Variants in CPA6 observed in about 807,000 individuals in gnomAD.
CPA6 encodes carboxypeptidase B.
In CPA6, 58 loss-of-function variants were observed where a neutral mutation model predicts 63.3. The ratio of observed to expected loss-of-function variants is 0.92; its 90% CI spans 0.74 to 1.14. The LOEUF is 1.14. CPA6 is among the 50% of genes most tolerant of loss of function. The pLI, the probability that CPA6 is intolerant of heterozygous loss-of-function variation, is 0.00. For synonymous variants in CPA6, 185 were observed against 179.0 expected (o/e 1.03, Z -0.27); for missense variants, 565 against 526.6 (o/e 1.07, Z -0.71).
intron 6 of CPA6, among the ~76,000 whole-genome samples, chr8:67,494,177 G>A (rs1811662455): frequency 6.6e-6 from 1 of 151,258 alleles, no homozygotes. Flanking sequence ...CACAGATTTT[G>A]CAAAATTGAA....
intron 1 of CPA6, among the ~76,000 whole-genome samples, chr8:67,678,409 T>A (rs1587694783): frequency 6.6e-6 from 1 of 152,098 alleles, no homozygotes; most frequent in African/African-American, 2.4e-5. Context: ...CCAAAATATA[T>A]AAAGGACTTC....
intron 1 of CPA6, among the ~76,000 whole-genome samples, chr8:67,732,966 G>A (rs1312055104): frequency 6.6e-6 from 1 of 151,850 alleles, no homozygotes; most frequent in Non-Finnish European, 1.5e-5. Flanking sequence ...GGAGGCTGAG[G>A]CGGGCGGATC....
intron 1 of CPA6, among the ~76,000 whole-genome samples, chr8:67,709,490 C>T (rs920068863): frequency 1.3e-5 from 2 of 152,152 alleles, no homozygotes; most frequent in African/African-American, 4.8e-5. Flanking sequence ...TCACTACTAA[C>T]AATGATAAAT....
chr8:67,429,937 A>G (rs2128951620), intron 9 of CPA6, among the ~76,000 whole-genome samples: 1 of 152,222 alleles, frequency 6.6e-6, no homozygotes, highest in South Asian at 2.1e-4. Flanking sequence ...TAGGGTTTAG[A>G]TGTGATCTCT....
intron 1 of CPA6, among the ~76,000 whole-genome samples, chr8:67,643,164 C>T (rs181026767): frequency 1.3e-5 from 2 of 152,258 alleles, no homozygotes; most frequent in East Asian, 3.9e-4. Flanking sequence ...GCATATCATC[C>T]TTAATAAGCA....
At chr8:67,667,796 GC>G (rs977110668) in intron 1 of CPA6, among the ~76,000 whole-genome samples, 1 of 152,214 alleles carries the variant, frequency 6.6e-6, no homozygotes, top group African/African-American at 2.4e-5. Flanking sequence ...ATTACTGTGT[GC>G]CCCGCCCCAG....
intron 8 of CPA6, among the ~76,000 whole-genome samples, chr8:67,470,242 C>T (rs553412035): frequency 2.6e-5 from 4 of 152,018 alleles, no homozygotes; most frequent in African/African-American, 7.2e-5. Context: ...ATTGGTCAGG[C>T]TGGTTTCAAA....
rs139261747 is a variant in CPA6 at position 67,452,957 on chromosome 8, C to T, written c.839-18717G>A. ...GAGGATAGAAATAGATGAGATCAAT[C>T]GATGGGGGACCAGATTATGTGAAGT... On this transcript the variant is annotated intron_variant, in intron 8 of 10. Transcript: ENST00000297770. 3.8e-3 allele frequency among the ~76,000 whole-genome samples: 574 copies of T among 152,240 alleles called. 8 individuals carry two copies. Among genetic ancestry groups the T allele is most frequent in the African/African-American group, 0.013 (531 of 41,540 alleles).
chr8:67,592,098 G>C (rs533312625), intron 2 of CPA6, among the ~76,000 whole-genome samples: 38 of 152,132 alleles, frequency 2.5e-4, no homozygotes, highest in African/African-American at 5.1e-4. Context: ...TAGCTTGAAG[G>C]GTTGTTGAAT....
At chr8:67,667,568 C>A (rs1040927060) in intron 1 of CPA6, among the ~76,000 whole-genome samples, 7 of 152,102 alleles carry the variant, frequency 4.6e-5, no homozygotes, top group Non-Finnish European at 1.0e-4. Context: ...CCAATCTTCT[C>A]ATTTCCTCTG....
intron 2 of CPA6, among the ~76,000 whole-genome samples, chr8:67,590,150 T>A (rs574539175): frequency 1.3e-5 from 2 of 152,256 alleles, no homozygotes; most frequent in South Asian, 4.1e-4. Flanking sequence ...TTTGGTTCTT[T>A]GTCCTTGCCA....
rs984870960 is a variant in CPA6, at chr8:67,640,402, G to A, written c.117-16151C>T. 2.4e-4 allele frequency among the ~76,000 whole-genome samples: 37 copies of A among 151,652 alleles called. 2 individuals are homozygous for A. The highest frequency in any genetic ancestry group is 6.8e-4 in the African/African-American group (28 of 40,972). The stretch of plus-strand genomic sequence containing the variant: ...GGGGTCGAGGTGGCAGGGAGCTGGC[G>A]TGTTAGCGCTGCCCTGAGTGTGCAC... On this transcript the variant is annotated intron_variant, in intron 1 of 10. Coordinates refer to ENST00000297770, the MANE Select transcript of CPA6 (RefSeq NM_020361.5).
chr8:67,511,465 C>A, intron 4 of CPA6, 76 bp downstream of exon 4: 1 of 813,374 alleles, frequency 1.2e-6, no homozygotes, highest in Non-Finnish European at 2.1e-6. Context: ...GCATAAAACA[C>A]ATAATTTTCT....
At chr8:67,458,430 T>C (rs1313392176) in intron 8 of CPA6, among the ~76,000 whole-genome samples, 1 of 152,162 alleles carries the variant, frequency 6.6e-6, no homozygotes, top group Non-Finnish European at 1.5e-5. Context: ...ACTCCTCAGC[T>C]CAGGTGATCC....
intron 1 of CPA6, among the ~76,000 whole-genome samples, chr8:67,646,138 A>C (rs928785973): frequency 3.9e-5 from 6 of 152,238 alleles, no homozygotes; most frequent in African/African-American, 1.4e-4. Context: ...CAGCACCATG[A>C]CAGGTGACAA....
chr8:67,736,431 G>A (rs889524514), intron 1 of CPA6, among the ~76,000 whole-genome samples: 1 of 152,066 alleles, frequency 6.6e-6, no homozygotes, highest in African/African-American at 2.4e-5. Flanking sequence ...TCCACCAAAA[G>A]CACCTTTGAT....
chr8:67,464,793 C>T (rs561672081), intron 8 of CPA6, among the ~76,000 whole-genome samples: 21 of 152,262 alleles, frequency 1.4e-4, no homozygotes, highest in Admixed American at 3.3e-4. Context: ...TTATTTCTGT[C>T]GACTTTGTTG....
chr8:67,714,559 G>C (rs1222296388), intron 1 of CPA6, among the ~76,000 whole-genome samples: 1 of 152,192 alleles, frequency 6.6e-6, no homozygotes, highest in Non-Finnish European at 1.5e-5. Flanking sequence ...AATCAGCCAG[G>C]TGTGGTGGTG....
At chr8:67,732,480 A>G (rs780112959) in intron 1 of CPA6, 1 of 152,210 alleles carries the variant, frequency 6.6e-6, no homozygotes, top group Non-Finnish European at 1.5e-5. Context: ...GACTGTAAGA[A>G]TATAGATAAG....
Sources: gnomAD v4.1 joint callset for allele counts (sites outside exome capture counted in the v4.1 genomes callset) on GRCh38, gnomAD v4.1.1 for gene constraint, MANE v1.5 for transcripts, NCBI Gene and HGNC (gene_info 2026-07-23, HGNC 2026-07-21) for gene names.